The following ACVR1 variants were observed in gnomAD, a reference collection of about 807,000 sequenced individuals.
ACVR1 encodes the protein activin receptor type-1.
In ACVR1, 38 loss-of-function variants were observed where a neutral mutation model predicts 57.1. The ratio of observed to expected loss-of-function variants is 0.67; its 90% CI spans 0.51 to 0.87. The LOEUF (loss-of-function observed/expected upper bound fraction) is 0.87, where lower values mean the gene tolerates loss of function less well. ACVR1 is among the 40% of genes least tolerant of loss of function. The pLI is 0.00. For missense variants in ACVR1, 463 were observed against 638.2 expected (o/e 0.73, Z 2.96); for synonymous variants, 212 against 228.1 (o/e 0.93, Z 0.63).
chr2:157,860,331 A>G (rs1454909666), intron 1 of ACVR1, among the ~76,000 whole-genome samples: 1 of 152,152 alleles, frequency 6.6e-6, no homozygotes, highest in Non-Finnish European at 1.5e-5. Flanking sequence ...CAGTCACCCT[A>G]CTCAGGTAAG....
chr2:157,766,194 A>T lies in ACVR1; in HGVS notation c.793T>A (p.Phe265Ile), dbSNP rs752089024. ...CTTGATGTCATGTCTGAAGCAATGA[A>T]ACCTGGAGAGAGCAAGAAAAAAATT... The part of the protein sequence containing the change: ...VMLRHENILG[F>I]IASDMTSRHS... The change falls in exon 8 of 11, where the codon TTC becomes ATC. Residue 265 changes from phenylalanine to isoleucine, a missense_variant and splice_region_variant. By Grantham distance (21) the Phe-to-Ile change is conservative. Coordinates refer to ENST00000434821, the MANE Select transcript of ACVR1 (RefSeq NM_001111067.4). The T allele has an allele frequency of 9.3e-6, 15 of 1,614,104 alleles. No individual in the cohort carries two copies. Among genetic ancestry groups the T allele is most frequent in the Non-Finnish European group, 1.3e-5 (15 of 1,179,998 alleles).
In ACVR1 at chr2:157,738,539, G is replaced by A. The variant is rs201131823; in HGVS notation, c.1296C>T (p.Tyr432=). The A allele has an allele frequency of 1.9e-5, 31 of 1,614,064 alleles. No homozygotes were observed. The highest frequency in any genetic ancestry group is 1.9e-4 in the African/African-American group (14 of 75,032). Residue 432 remains tyrosine (Y), a synonymous_variant, in exon 10 of 11, where the codon TAC becomes TAT. Transcript: ENST00000434821. ...AACTTGGGTCATTGGGAACCACATC[G>A]TAGAACGGTGGCTTGTAATCCTCCA... The part of the protein sequence containing the change: ...GIVEDYKPPF[Y]DVVPNDPSFE...
At chr2:157,773,952 A>C (rs574424184) in intron 6 of ACVR1, 136 bp downstream of exon 6, 1 of 729,180 alleles carries the variant, frequency 1.4e-6, no homozygotes. Context: ...AGTCATACAG[A>C]ATAGAGACCA....
chr2:157,758,430 G>A (rs1257133080), intron 9 of ACVR1, among the ~76,000 whole-genome samples: 1 of 151,972 alleles, frequency 6.6e-6, no homozygotes, highest in East Asian at 1.9e-4. Context: ...GTTCACGTGT[G>A]GTTGAAAAAA....
At chr2:157,796,809 C>T (rs370159536) in intron 3 of ACVR1, among the ~76,000 whole-genome samples, 1 of 152,078 alleles carries the variant, frequency 6.6e-6, no homozygotes, top group Non-Finnish European at 1.5e-5. Context: ...TGTTAACTCA[C>T]CAAATCCTCC....
At chr2:157,867,558 G>T (rs932810053) in intron 1 of ACVR1, among the ~76,000 whole-genome samples, 1 of 152,186 alleles carries the variant, frequency 6.6e-6, no homozygotes, top group Non-Finnish European at 1.5e-5. Flanking sequence ...AGATCTGGCA[G>T]TTTCTTGCAG....
chr2:157,843,179 GTCTA>G (rs1190244861), intron 1 of ACVR1, among the ~76,000 whole-genome samples: 1 of 152,154 alleles, frequency 6.6e-6, no homozygotes, highest in African/African-American at 2.4e-5. Flanking sequence ...CATGTCATTT[GTCTA>G]TCTTTCTGCA....
At chr2:157,812,838 A>G (rs139548795) in intron 2 of ACVR1, among the ~76,000 whole-genome samples, 28 of 152,316 alleles carry the variant, frequency 1.8e-4, no homozygotes, top group African/African-American at 6.0e-4. Flanking sequence ...GAAATCATGT[A>G]TTAAAATAAA....
chr2:157,860,612 A>C (rs977385502), intron 1 of ACVR1, among the ~76,000 whole-genome samples: 5 of 152,258 alleles, frequency 3.3e-5, no homozygotes, highest in Admixed American at 2.6e-4. Context: ...AACTTATTTG[A>C]GGACCTTTTT....
intron 9 of ACVR1, among the ~76,000 whole-genome samples, chr2:157,757,285 C>T (rs1306985255): frequency 6.6e-6 from 1 of 151,370 alleles, no homozygotes; most frequent in East Asian, 1.9e-4. Flanking sequence ...TTGGGTTTTC[C>T]AGAAGGAAAA....
intron 9 of ACVR1, among the ~76,000 whole-genome samples, chr2:157,745,666 AAAAC>A (rs1411245755): frequency 6.6e-6 from 1 of 152,198 alleles, no homozygotes; most frequent in Non-Finnish European, 1.5e-5. Flanking sequence ...CCTAAATGTT[AAAAC>A]AAACAAAAAA....
chr2:157,768,458 C>T (rs1685956185), intron 7 of ACVR1, among the ~76,000 whole-genome samples: 1 of 152,100 alleles, frequency 6.6e-6, no homozygotes, highest in South Asian at 2.1e-4. Flanking sequence ...CTGATTTCCT[C>T]TCCCAAGAAA....
intron 9 of ACVR1, among the ~76,000 whole-genome samples, chr2:157,748,461 T>A (rs1000306711): frequency 6.6e-6 from 1 of 151,810 alleles, no homozygotes; most frequent in Non-Finnish European, 1.5e-5. Flanking sequence ...GGGGAGGGGG[T>A]GAGGAAATGA....
chr2:157,821,420 G>A (rs1407152681), intron 1 of ACVR1, among the ~76,000 whole-genome samples: 1 of 152,114 alleles, frequency 6.6e-6, no homozygotes, highest in Non-Finnish European at 1.5e-5. Flanking sequence ...AGCTACTCGG[G>A]AGTCTGAGGC....
In ACVR1 at chr2:157,794,907, T is replaced by C. The variant is rs972474445; in HGVS notation, c.67+4520A>G. Among the ~76,000 whole-genome samples the C allele has an allele frequency of 2.0e-5, 3 of 152,058 alleles. No individual in the cohort carries two copies. The South Asian group carries it at 6.2e-4, about 32-fold the overall frequency. ...TACCAAAAAAAAAAAAATCACTGTT[T>C]AGAACTAATATTTGAAATGTTACCA... On this transcript the variant is annotated intron_variant, in intron 3 of 10. Coordinates refer to ENST00000434821, the MANE Select transcript of ACVR1 (RefSeq NM_001111067.4).
intron 9 of ACVR1, among the ~76,000 whole-genome samples, chr2:157,742,145 A>C (rs1684799624): frequency 6.6e-6 from 1 of 152,166 alleles, no homozygotes; most frequent in African/African-American, 2.4e-5. Context: ...GTAGGAAATG[A>C]CTGATTTACA....
At chr2:157,868,788 T>C (rs2105386904) in intron 1 of ACVR1, among the ~76,000 whole-genome samples, 1 of 152,266 alleles carries the variant, frequency 6.6e-6, no homozygotes, top group Non-Finnish European at 1.5e-5. Context: ...CACCTTAATA[T>C]TAACTTGACA....
chr2:157,819,077 C>CAAAAAAA (rs386391595), intron 1 of ACVR1, among the ~76,000 whole-genome samples: 6 of 59,178 alleles, frequency 1.0e-4, no homozygotes, highest in African/African-American at 4.7e-4. Context: ...GACTCCGTCT[C>CAAAAAAA]AAAAAAAAAA....
In ACVR1 at chr2:157,736,646, G is replaced by A. The variant is rs1663883207; in HGVS notation, c.*885C>T. 6.3e-6 allele frequency: 2 copies of A among 316,256 alleles called. No individual in the cohort carries two copies. Among genetic ancestry groups the A allele is most frequent in the Non-Finnish European group, 1.2e-5 (2 of 171,580 alleles). The allele number at this position is 316,256 out of a possible 1,614,324, so 19.6% of individuals were successfully genotyped here. A position where few individuals can be genotyped will look rare whatever the true frequency, so the allele number is the denominator to read the frequency against. On this transcript the variant is annotated 3_prime_UTR_variant, in exon 11 of 11. Transcript: ENST00000434821. The stretch of plus-strand genomic sequence containing the variant: ...TTCTAAATCAGTAATATATTCGGTG[G>A]TGTCACGTGGGTAATGGCTAAATAC...
Sources: allele counts gnomAD v4.1 joint callset (sites outside exome capture counted in the v4.1 genomes callset), GRCh38; gene constraint gnomAD v4.1.1; transcripts MANE v1.5; gene names NCBI Gene and HGNC (gene_info 2026-07-23, HGNC 2026-07-21).